AMZ2: variants seen among roughly 807,000 people sequenced by gnomAD.
The protein encoded by AMZ2 is archaemetzincin-2.
A neutral mutation model predicts 36.7 loss-of-function variants in AMZ2; 26 were observed. The ratio of observed to expected loss-of-function variants is 0.71; its 90% confidence interval spans 0.52 to 0.98. The LOEUF (loss-of-function observed/expected upper bound fraction) is 0.98. AMZ2 is among the 50% of genes least tolerant of loss of function. The probability of loss-of-function intolerance (pLI) is 0.00; values close to 1 mark genes in which losing one functional copy is unlikely to be tolerated. For missense variants in AMZ2, 394 were observed against 430.5 expected (o/e 0.92, Z 0.75); for synonymous variants, 144 against 149.1 (o/e 0.97, Z 0.25).
At chr17:68,216,720 A>G (rs1347620218) in intron 1 of AMZ2, among the ~76,000 whole-genome samples, 1 of 152,172 alleles carries the variant, frequency 6.6e-6, no homozygotes, top group Non-Finnish European at 1.5e-5. Flanking sequence ...TTTTTGTTAT[A>G]TCTGCAGTGA....
chr17:68,222,425 G>A (rs2073391649), intron 1 of AMZ2, among the ~76,000 whole-genome samples: 1 of 152,246 alleles, frequency 6.6e-6, no homozygotes, highest in African/African-American at 2.4e-5. Flanking sequence ...ACCAGGGACT[G>A]GTTTTGTGGA....
intron 1 of AMZ2, among the ~76,000 whole-genome samples, chr17:68,236,316 T>A (rs1462630157): frequency 1.1e-4 from 17 of 152,058 alleles, no homozygotes; most frequent in African/African-American, 4.1e-4. Flanking sequence ...AATTTATATA[T>A]AAAACTATAA....
chr17:68,249,955 AT>A lies in AMZ2; in HGVS notation c.1-232del, dbSNP rs1173157520. The A allele has an allele frequency of 1.6e-5, 8 of 502,084 alleles. No individual in the cohort carries two copies. The Admixed American group carries it at 2.2e-4, about 14-fold the overall frequency. 31.1% of individuals were successfully genotyped at this position (502,084 alleles called of 1,614,324 possible). A position where few individuals can be genotyped will look rare whatever the true frequency, so the allele number is the denominator to read the frequency against. ...CACCTGGCCACCACTAGTTTTTGTA[AT>A]GGGAGCAGGTTCCATATGAGATGGA... On this transcript the variant is annotated intron_variant, in intron 1 of 6. Transcript: ENST00000359904.
chr17:68,248,989 A>G (rs536803360), intron 1 of AMZ2: 775 of 951,662 alleles, frequency 8.1e-4, no homozygotes, highest in Middle Eastern at 7.4e-3. Context: ...GAGATGTTCA[A>G]CTTTTTCCTT....
At chr17:68,246,842 C>G (rs2074035447), upstream of AMZ2, 1 of 152,214 alleles carries the variant, frequency 6.6e-6, no homozygotes, top group Non-Finnish European at 1.5e-5. Flanking sequence ...ATGTGCCTGT[C>G]TTTCCTTGAG....
At chr17:68,254,168 C>T (rs1213194686) in intron 4 of AMZ2, among the ~76,000 whole-genome samples, 2 of 152,212 alleles carry the variant, frequency 1.3e-5, no homozygotes, top group Non-Finnish European at 2.9e-5. Flanking sequence ...CATTTGACCT[C>T]AAGTCCATTA....
intron 1 of AMZ2, among the ~76,000 whole-genome samples, chr17:68,209,579 TGG>T (rs1197997935): frequency 2.6e-5 from 3 of 113,340 alleles, no homozygotes; most frequent in Non-Finnish European, 5.5e-5. Flanking sequence ...AAAATAATTG[TGG>T]GTGTGTGTGT....
chr17:68,254,346 T>C, intron 4 of AMZ2, 58 bp from the exon 5 acceptor site: 1 of 1,529,752 alleles, frequency 6.5e-7, no homozygotes, highest in African/African-American at 1.4e-5. Flanking sequence ...TCTTCTTTCT[T>C]TGGTCTTTCT....
rs1167218698 is a variant in AMZ2, at chr17:68,254,636, G to A, written c.750+69G>A. ...ATCTTAGTTCCGTAAACTGTATATT[G>A]TCAGTCCGTAAGGTAATATTATAAA... On this transcript the variant is annotated intron_variant, in intron 5 of 6. Transcript: ENST00000359904. 1.4e-5 allele frequency: 19 copies of A among 1,336,404 alleles called. No homozygotes were observed. In the African/African-American group the frequency reaches 2.4e-4, roughly 17 times the overall value. 82.8% of individuals were successfully genotyped at this position (1,336,404 alleles called of 1,614,324 possible).
chr17:68,209,719 C>A (rs1271864876), intron 1 of AMZ2, among the ~76,000 whole-genome samples: 1 of 148,984 alleles, frequency 6.7e-6, no homozygotes, highest in Non-Finnish European at 1.5e-5. Context: ...CCTCCCGGAT[C>A]AAGTGATTCT....
chr17:68,229,933 G>A (rs2073618263), intron 1 of AMZ2, among the ~76,000 whole-genome samples: 1 of 152,210 alleles, frequency 6.6e-6, no homozygotes, highest in African/African-American at 2.4e-5. Flanking sequence ...TCTCTAACAG[G>A]AAAGTAAGGC....
At chr17:68,238,547 T>TAG (rs1230373403) in intron 1 of AMZ2, among the ~76,000 whole-genome samples, 118 of 151,780 alleles carry the variant, frequency 7.8e-4, no homozygotes, top group South Asian at 4.6e-3. Flanking sequence ...TATATATATA[T>TAG]AGAGAGAAAG....
At chr17:68,243,376 C>A (rs2073942953), upstream of AMZ2, among the ~76,000 whole-genome samples, 3 of 152,190 alleles carry the variant, frequency 2.0e-5, no homozygotes, top group Admixed American at 2.0e-4. Flanking sequence ...CTCAGGTAAT[C>A]AGCCTGCCTT....
intron 1 of AMZ2, among the ~76,000 whole-genome samples, chr17:68,241,884 T>C (rs1438293131): frequency 1.3e-5 from 2 of 150,060 alleles, no homozygotes; most frequent in Non-Finnish European, 3.0e-5. Flanking sequence ...CCACCACACC[T>C]GGCTAATTTT....
chr17:68,227,895 C>G (rs565475705), intron 1 of AMZ2, among the ~76,000 whole-genome samples: 222 of 152,292 alleles, frequency 1.5e-3, no homozygotes, highest in South Asian at 2.7e-3. Flanking sequence ...AGGATAATCT[C>G]CTTCCATGTC....
At chr17:68,209,601 TGTGTATATGTATATATA>T (rs2072960941) in intron 1 of AMZ2, among the ~76,000 whole-genome samples, 1 of 120,486 alleles carries the variant, frequency 8.3e-6, no homozygotes, top group East Asian at 2.7e-4. Context: ...TGTGTGTGTG[TGTGTATATGTATATATA>T]TATATATATA....
intron 4 of AMZ2, 27 bp from the exon 5 acceptor site, chr17:68,254,375 TTC>T (rs782401091): frequency 6.3e-7 from 1 of 1,594,732 alleles, no homozygotes; most frequent in Non-Finnish European, 8.5e-7. Context: ...CTTACTCTCA[TTC>T]TGTCACTGTT....
At chr17:68,217,855 C>T (rs1176161563) in intron 1 of AMZ2, among the ~76,000 whole-genome samples, 1 of 149,578 alleles carries the variant, frequency 6.7e-6, no homozygotes, top group African/African-American at 2.5e-5. Flanking sequence ...CTCTGTCGCC[C>T]AGGCTGGAGT....
chr17:68,255,393 C>G (rs2074821847), intron 5 of AMZ2, among the ~76,000 whole-genome samples: 1 of 152,212 alleles, frequency 6.6e-6, no homozygotes, highest in Admixed American at 6.5e-5. Context: ...TTCTGTTGGC[C>G]TCTAGTGGGT....
Sources: allele counts gnomAD v4.1 joint callset (sites outside exome capture counted in the v4.1 genomes callset), GRCh38; gene constraint gnomAD v4.1.1; transcripts MANE v1.5; gene names NCBI Gene and HGNC (gene_info 2026-07-23, HGNC 2026-07-21).